The following PRKD3 variants were observed in gnomAD, a reference collection of about 807,000 sequenced individuals.
The protein encoded by PRKD3 is serine/threonine-protein kinase D3.
Under a neutral mutation model 99.2 loss-of-function variants are expected in PRKD3, and 47 were observed. That is an observed-to-expected ratio of 0.47 (90% CI 0.38 to 0.60). The LOEUF (loss-of-function observed/expected upper bound fraction) is 0.60. Among genes scored for constraint, PRKD3 ranks in the 20% least tolerant of loss-of-function variants. PRKD3 has a pLI of 0.00. For missense variants in PRKD3, 1,019 were observed against 1,088.4 expected (o/e 0.94, Z 0.90); for synonymous variants, 392 against 355.4 (o/e 1.10, Z -1.16).
chr2:37,316,831 G>A lies in PRKD3; in HGVS notation c.-307C>T, dbSNP rs1297504914. 7.1e-6 allele frequency: 8 copies of A among 1,129,434 alleles called. No homozygotes were observed. The highest frequency in any genetic ancestry group is 8.7e-6 in the Non-Finnish European group (8 of 922,202). 70.0% of individuals were successfully genotyped at this position (1,129,434 alleles called of 1,614,324 possible). On this transcript the variant is annotated 5_prime_UTR_variant, in exon 2 of 19. Transcript: ENST00000234179. ...TCCTCAGCAGGATAGAGTTGACGTA[G>A]CTTATTTACGAATCTATTTTCCTTT...
chr2:37,317,276 CATATGCTT>C (rs1671706399), intron 1 of PRKD3, 97 bp from the exon 2 acceptor site: 1 of 515,624 alleles, frequency 1.9e-6, no homozygotes, highest in Non-Finnish European at 2.5e-6. Flanking sequence ...AATTTTTGGT[CATATGCTT>C]ATAATTCACT....
intron 4 of PRKD3, among the ~76,000 whole-genome samples, chr2:37,290,562 A>G (rs1203976844): frequency 6.6e-6 from 1 of 152,176 alleles, no homozygotes; most frequent in Non-Finnish European, 1.5e-5. Flanking sequence ...AAAAAACAAC[A>G]TGAATATTTA....
At chr2:37,253,423 T>G (rs1667674281) in intron 18 of PRKD3, 73 bp from the exon 19 acceptor site, 1 of 1,367,904 alleles carries the variant, frequency 7.3e-7, no homozygotes, top group Non-Finnish European at 9.9e-7. Context: ...TGTTTTGTGT[T>G]TTTTTTTGTT....
chr2:37,314,928 G>A lies in PRKD3; in HGVS notation c.288+1309C>T, dbSNP rs139188635. On this transcript the variant is annotated intron_variant, in intron 2 of 18. Coordinates refer to ENST00000234179, the MANE Select transcript of PRKD3 (RefSeq NM_005813.6). Reference sequence around the variant, plus strand: ...GTTATTCTTACTTAGGAATAACTTAGGCCACATGTACAAGTCATTGTTAAA... The same window carrying A: ...GTTATTCTTACTTAGGAATAACTTAAGCCACATGTACAAGTCATTGTTAAA... Among the ~76,000 whole-genome samples, 675 of 152,194 alleles carry A rather than the reference G, an allele frequency of 4.4e-3. 5 individuals are homozygous for A. Among genetic ancestry groups the A allele is most frequent in the African/African-American group, 0.016 (647 of 41,518 alleles).
chr2:37,253,013 C>T lies in PRKD3; in HGVS notation c.*164G>A. 1 of 589,362 alleles carries T rather than the reference C, an allele frequency of 1.7e-6. No individual in the cohort carries two copies. The highest frequency in any genetic ancestry group is 2.6e-6 in the Non-Finnish European group (1 of 382,666). 36.5% of individuals were successfully genotyped at this position (589,362 alleles called of 1,614,324 possible). ...TGACTTCTTATTATTCAGTTTCCCG[C>T]CTGTACCTACTCATTATGAACTACA... On this transcript the variant is annotated 3_prime_UTR_variant, in exon 19 of 19. Coordinates refer to ENST00000234179, the MANE Select transcript of PRKD3 (RefSeq NM_005813.6).
Position 37,290,982 on chromosome 2 carries a change from C to G in PRKD3, c.445G>C (p.Asp149His). Residue 149 changes from aspartate to histidine, a missense_variant, in exon 4 of 19, where the codon GAC becomes CAC. Asp to His is a moderately conservative substitution (Grantham distance 81, BLOSUM62 -1). Coordinates refer to ENST00000234179, the MANE Select transcript of PRKD3 (RefSeq NM_005813.6). ...AGAGTATGTGGACGAATCTGGAAGTCTTCTACTGTGGCTAAAGCTTTAAAA... is the reference window on the plus strand; with the variant it reads ...AGAGTATGTGGACGAATCTGGAAGTGTTCTACTGTGGCTAAAGCTTTAAAA... ...VVLSALATVE[D>H]FQIRPHTLYV... 2 of 1,606,172 alleles carry G rather than the reference C, an allele frequency of 1.2e-6. No homozygotes were observed. Among genetic ancestry groups the G allele is most frequent in the Non-Finnish European group, 1.7e-6 (2 of 1,176,462 alleles).
intron 9 of PRKD3, 57 bp from the exon 10 acceptor site, chr2:37,275,901 T>A: frequency 6.5e-7 from 1 of 1,544,830 alleles, no homozygotes; most frequent in Non-Finnish European, 8.7e-7. Context: ...CCAAAGTGCT[T>A]GTACCTAACT....
In PRKD3 at chr2:37,272,365, A is replaced by AT; in HGVS notation, c.1704+14dup. The AT allele has an allele frequency of 6.2e-7, 1 of 1,603,058 alleles. No individual in the cohort carries two copies. Among genetic ancestry groups the AT allele is most frequent in the Non-Finnish European group, 8.5e-7 (1 of 1,177,200 alleles). On this transcript the variant is annotated intron_variant, in intron 12 of 18. Coordinates refer to ENST00000234179, the MANE Select transcript of PRKD3 (RefSeq NM_005813.6). ...TAATCACCCAGTTTACACATTAGCT[A>AT]TAACGATTACTTACCACATTCTCCT...
Position 37,282,562 on chromosome 2 carries a change from C to T in PRKD3, c.968G>A (p.Gly323Glu). The T allele has an allele frequency of 6.3e-7, 1 of 1,597,572 alleles. No homozygotes were observed. ...CASKVPRDCL[G>E]EVTFNGEPSS... Reference sequence around the variant, plus strand: ...TTTACCTCCATTGAAAGTAACCTCTCCAAGGCAGTCTCTTGGTACTTTTGA... The same window carrying T: ...TTTACCTCCATTGAAAGTAACCTCTTCAAGGCAGTCTCTTGGTACTTTTGA... Residue 323 changes from glycine (G) to glutamate (E), a missense_variant, in exon 7 of 19, where the codon GGA becomes GAA. Physicochemically the swap from Gly to Glu is moderately conservative, Grantham distance 98. Transcript: ENST00000234179.
At chr2:37,313,033 T>G (rs920843563) in intron 2 of PRKD3, among the ~76,000 whole-genome samples, 1 of 152,240 alleles carries the variant, frequency 6.6e-6, no homozygotes, top group African/African-American at 2.4e-5. Context: ...CTAAGGTATA[T>G]ATTACATTAT....
At chr2:37,310,080 C>G (rs1671356665) in intron 2 of PRKD3, among the ~76,000 whole-genome samples, 1 of 152,118 alleles carries the variant, frequency 6.6e-6, no homozygotes, top group Non-Finnish European at 1.5e-5. Context: ...AATCAGCTGT[C>G]TTCTACAGAG....
chr2:37,298,885 C>T (rs1307793513), intron 2 of PRKD3, among the ~76,000 whole-genome samples: 1 of 152,186 alleles, frequency 6.6e-6, no homozygotes, highest in Non-Finnish European at 1.5e-5. Context: ...GATAATCTGA[C>T]ATCTTCCTTT....
intron 7 of PRKD3, among the ~76,000 whole-genome samples, chr2:37,280,522 G>A (rs1202600761): frequency 3.9e-5 from 6 of 151,942 alleles, no homozygotes; most frequent in Admixed American, 6.6e-5. Flanking sequence ...AAAATTCAAC[G>A]GGCAAAAAAT....
At position 37,279,762 on chromosome 2, in the gene PRKD3, C is replaced by A; in HGVS notation, c.1156G>T (p.Ala386Ser). The A allele has an allele frequency of 6.2e-7, 1 of 1,612,868 alleles. No homozygotes were observed. The highest frequency in any genetic ancestry group is 8.5e-7 in the Non-Finnish European group (1 of 1,179,582). The change falls in exon 8 of 19, where the codon GCC (alanine) becomes TCC (serine). Residue 386 changes from alanine to serine, a missense_variant. Ala to Ser is a moderately conservative substitution (Grantham distance 99). Transcript: ENST00000234179. ...ATATATTACCTGATTGTTTTAACGG[C>A]TTCTTCATCTCTTTCCACATCGAGA... ...SDLDVERDEE[A>S]VKTISPSTSN... is the part of the protein sequence containing the mutation.
At chr2:37,285,393 T>G (rs1449042628) in intron 6 of PRKD3, among the ~76,000 whole-genome samples, 1 of 152,206 alleles carries the variant, frequency 6.6e-6, no homozygotes, top group Non-Finnish European at 1.5e-5. Context: ...ACTATAGAAG[T>G]GTGCTGGGTT....
intron 16 of PRKD3, among the ~76,000 whole-genome samples, chr2:37,258,011 G>A (rs1291325879): frequency 6.6e-6 from 1 of 152,122 alleles, no homozygotes; most frequent in Non-Finnish European, 1.5e-5. Flanking sequence ...CACTTATCTT[G>A]CTGCCCAGAT....
At chr2:37,302,434 A>T (rs1670978520) in intron 2 of PRKD3, among the ~76,000 whole-genome samples, 1 of 152,238 alleles carries the variant, frequency 6.6e-6, no homozygotes, top group African/African-American at 2.4e-5. Flanking sequence ...AATTTTAAAA[A>T]ATAATCTTTC....
chr2:37,312,786 A>G (rs1249633550), intron 2 of PRKD3, among the ~76,000 whole-genome samples: 1 of 152,212 alleles, frequency 6.6e-6, no homozygotes. Context: ...AGAAACACAT[A>G]AAACAAGGTT....
At chr2:37,275,893 A>T in intron 9 of PRKD3, 49 bp from the exon 10 acceptor site, 1 of 1,579,310 alleles carries the variant, frequency 6.3e-7, no homozygotes, top group South Asian at 1.2e-5. Flanking sequence ...TGATTCCTCC[A>T]AAGTGCTTGT....
Sources: allele counts gnomAD v4.1 joint callset (sites outside exome capture counted in the v4.1 genomes callset), GRCh38; gene constraint gnomAD v4.1.1; transcripts MANE v1.5; gene names NCBI Gene and HGNC (gene_info 2026-07-23, HGNC 2026-07-21).